SHANK2: variants seen among roughly 807,000 people sequenced by gnomAD.
SHANK2 encodes the protein SH3 and multiple ankyrin repeat domains 2.
A neutral mutation model predicts 133.7 loss-of-function variants in SHANK2; 43 were observed. The observed-to-expected ratio is 0.32, with a 90% CI of 0.25 to 0.41. The LOEUF (loss-of-function observed/expected upper bound fraction) is 0.41, where lower values mean the gene tolerates loss of function less well. SHANK2 is among the 10% of genes least tolerant of loss of function. The probability of loss-of-function intolerance (pLI) is 1.00; values close to 1 mark genes in which losing one functional copy is unlikely to be tolerated. For synonymous variants in SHANK2, 1,017 were observed against 952.8 expected, an observed-to-expected ratio of 1.07 and a Z score of -1.24; for missense variants, 1,994 against 2,235.8, an observed-to-expected ratio of 0.89 and a Z score of 2.18.
intron 17 of SHANK2, among the ~76,000 whole-genome samples, chr11:70,548,197 C>T (rs782213828): frequency 7.2e-5 from 11 of 152,244 alleles, no homozygotes; most frequent in Non-Finnish European, 1.3e-4. Flanking sequence ...CTGGAGCAGG[C>T]GGCTGCTCTC....
chr11:70,746,474 G>C (rs1290759568), intron 14 of SHANK2, among the ~76,000 whole-genome samples: 8 of 150,900 alleles, frequency 5.3e-5, no homozygotes, highest in Non-Finnish European at 8.9e-5. Context: ...GACAGGGAAG[G>C]CTGGACCTTC....
At chr11:70,512,280 A>T (rs1029132049) in intron 17 of SHANK2, among the ~76,000 whole-genome samples, 4 of 152,240 alleles carry the variant, frequency 2.6e-5, no homozygotes, top group Admixed American at 6.5e-5. Context: ...CAAATGTCCT[A>T]TGGAAGGTCA....
intron 2 of SHANK2, among the ~76,000 whole-genome samples, chr11:71,173,790 G>A (rs1478333271): frequency 1.3e-5 from 2 of 152,218 alleles, no homozygotes; most frequent in African/African-American, 4.8e-5. Context: ...TATAAGGAGG[G>A]GAAATGATAC....
At chr11:70,623,069 G>A (rs1424321738) in intron 17 of SHANK2, among the ~76,000 whole-genome samples, 1 of 152,158 alleles carries the variant, frequency 6.6e-6, no homozygotes, top group Non-Finnish European at 1.5e-5. Context: ...CCAGCTACTA[G>A]GGAGGCTGAG....
intron 10 of SHANK2, among the ~76,000 whole-genome samples, chr11:70,904,832 GT>G (rs1341530251): frequency 3.3e-5 from 5 of 152,234 alleles, no homozygotes; most frequent in Non-Finnish European, 7.4e-5. Flanking sequence ...AAAAAGGGGA[GT>G]TTCTCCGCAC....
intron 8 of SHANK2, among the ~76,000 whole-genome samples, chr11:71,076,484 A>AAAAAC (rs1453575293): frequency 6.0e-5 from 9 of 149,486 alleles, no homozygotes; most frequent in Non-Finnish European, 7.4e-5. Flanking sequence ...GATGAGCTAT[A>AAAAAC]AAAACAAAAC....
intron 2 of SHANK2, among the ~76,000 whole-genome samples, chr11:71,190,866 G>A (rs772367970): frequency 1.3e-5 from 2 of 152,178 alleles, no homozygotes; most frequent in Non-Finnish European, 1.5e-5. Context: ...TGCGGTGCTG[G>A]AGAAGGCCAT....
chr11:70,581,309 A>G (rs1554985402), intron 17 of SHANK2, among the ~76,000 whole-genome samples: 1 of 151,970 alleles, frequency 6.6e-6, no homozygotes. Flanking sequence ...TGAATGGTAT[A>G]TTTTGTGTTA....
chr11:70,711,953 C>T (rs1945793960), intron 14 of SHANK2, among the ~76,000 whole-genome samples: 1 of 152,166 alleles, frequency 6.6e-6, no homozygotes, highest in Non-Finnish European at 1.5e-5. Flanking sequence ...CCTGCAGCTG[C>T]CGGCACAGAC....
chr11:70,512,173 G>A (rs1168855195), intron 17 of SHANK2, among the ~76,000 whole-genome samples: 1 of 152,232 alleles, frequency 6.6e-6, no homozygotes, highest in African/African-American at 2.4e-5. Context: ...GGTGTGCACT[G>A]TAGGATGTTT....
intron 11 of SHANK2, among the ~76,000 whole-genome samples, chr11:70,842,791 C>G (rs1330964055): frequency 6.6e-6 from 1 of 152,204 alleles, no homozygotes; most frequent in Non-Finnish European, 1.5e-5. Flanking sequence ...CAGGGTCTCC[C>G]CACCCAGAGG....
chr11:71,094,606 G>A lies in SHANK2; in HGVS notation c.675C>T (p.Asp225=). The change falls in exon 7 of 26, where the codon GAC becomes GAT. Residue 225 remains aspartate, a synonymous_variant. Coordinates refer to ENST00000601538, the MANE Select transcript of SHANK2 (RefSeq NM_012309.5). ...CGGTCATCCCATCTTTGGCACGGAA[G>A]TCCAGGTGAGCTCCACCATTTTTGA... ...KALKNGGAHL[D]FRAKDGMTAL... The A allele has an allele frequency of 1.3e-6, 2 of 1,551,758 alleles. No homozygotes were observed. The highest frequency in any genetic ancestry group is 2.4e-5 in the East Asian group (1 of 40,910).
At chr11:70,678,635 C>G (rs1019256439) in intron 15 of SHANK2, among the ~76,000 whole-genome samples, 1 of 150,282 alleles carries the variant, frequency 6.7e-6, no homozygotes, top group African/African-American at 2.5e-5. Context: ...CTCCACCTCC[C>G]GGGTTCAAGT....
At position 70,527,332 on chromosome 11, in the gene SHANK2, C is replaced by G. The variant is rs551395695; in HGVS notation, c.2062-24401G>C. Among the ~76,000 whole-genome samples, 14 of 152,292 alleles carry G rather than the reference C, an allele frequency of 9.2e-5. No homozygotes were observed. The South Asian group carries it at 2.7e-3, about 29-fold the overall frequency. On this transcript the variant is annotated intron_variant, in intron 17 of 25. Transcript: ENST00000601538. ...TGACCCCTTCTGGGGCCGGGCTGGA[C>G]TCACCCTGACCTTGTTCCTCTTGAG...
chr11:70,804,253 G>T lies in SHANK2; in HGVS notation c.1663+2749C>A, dbSNP rs1053220524. On this transcript the variant is annotated intron_variant, in intron 13 of 25. Coordinates refer to ENST00000601538, the MANE Select transcript of SHANK2 (RefSeq NM_012309.5). The surrounding 1 kb of genome is among the most constrained non-coding windows in gnomAD (Gnocchi z 4.1). ...GGCTCTGCAGGCAGTGGATCGGCTC[G>T]ACCCGCCCGCCTCTAAGCACTGCCA... Among the ~76,000 whole-genome samples the T allele has an allele frequency of 6.6e-6, 1 of 151,124 alleles. No individual in the cohort carries two copies. Among genetic ancestry groups the T allele is most frequent in the African/African-American group, 2.4e-5 (1 of 41,366 alleles).
intron 14 of SHANK2, among the ~76,000 whole-genome samples, chr11:70,787,152 C>T (rs1466349416): frequency 2.0e-5 from 3 of 150,034 alleles, no homozygotes; most frequent in African/African-American, 4.9e-5. Flanking sequence ...ATCACCACCA[C>T]CAGCATCACC....
At chr11:71,109,166 G>C (rs991309384) in intron 6 of SHANK2, among the ~76,000 whole-genome samples, 1 of 152,070 alleles carries the variant, frequency 6.6e-6, no homozygotes, top group African/African-American at 2.4e-5. Flanking sequence ...CCACCTGAGG[G>C]GGCATACTCT....
intron 10 of SHANK2, among the ~76,000 whole-genome samples, chr11:70,946,361 A>AGGCTCAACCTCCCTCTCCGCTAACCAACC (rs1950734870): frequency 9.3e-5 from 6 of 64,432 alleles, no homozygotes; most frequent in African/African-American, 2.6e-4. Context: ...ACTAACCAAC[A>AGGCTCAACCTCCCTCTCCGCTAACCAACC]CTTCCCAGGA....
intron 9 of SHANK2, among the ~76,000 whole-genome samples, chr11:71,067,741 G>A (rs1470454237): frequency 2.6e-5 from 4 of 151,474 alleles, no homozygotes; most frequent in African/African-American, 7.3e-5. Context: ...TGAGACCATC[G>A]TCACTATCAC....
Sources: gnomAD v4.1 joint callset for allele counts (sites outside exome capture counted in the v4.1 genomes callset) on GRCh38, gnomAD v4.1.1 for gene constraint, Gnocchi (gnomAD v3.1) non-coding constraint, MANE v1.5 for transcripts, NCBI Gene and HGNC (gene_info 2026-07-23, HGNC 2026-07-21) for gene names.